The following GRM5 variants were observed in gnomAD, a reference collection of about 807,000 sequenced individuals.
The protein encoded by GRM5 is glutamate metabotropic receptor 5.
A neutral mutation model predicts 83.1 loss-of-function variants in GRM5; 19 were observed. The ratio of observed to expected loss-of-function variants is 0.23; its 90% CI spans 0.16 to 0.34. The LOEUF is 0.34. Ranked by LOEUF, GRM5 falls within the 10% of genes least tolerant of loss-of-function variation. The pLI is 1.00. For missense variants in GRM5, 1,160 were observed against 1,588.3 expected (o/e 0.73, Z 4.58); for synonymous variants, 675 against 633.6 (o/e 1.07, Z -0.98).
intron 3 of GRM5, among the ~76,000 whole-genome samples, chr11:88,711,231 G>A (rs1239028703): frequency 6.6e-6 from 1 of 152,006 alleles, no homozygotes; most frequent in Non-Finnish European, 1.5e-5. Context: ...CCTACAGGAA[G>A]GAAACTCAAC....
At chr11:88,585,738 G>A (rs1281343197) in intron 7 of GRM5, among the ~76,000 whole-genome samples, 1 of 152,046 alleles carries the variant, frequency 6.6e-6, no homozygotes, top group Non-Finnish European at 1.5e-5. Context: ...TCAATATTCA[G>A]TATCTTATTA....
At chr11:88,755,644 T>C (rs1942380619) in intron 3 of GRM5, among the ~76,000 whole-genome samples, 1 of 152,140 alleles carries the variant, frequency 6.6e-6, no homozygotes, top group Admixed American at 6.6e-5. Flanking sequence ...CTAAGCAGTT[T>C]TTGAGTTAGA....
chr11:88,599,302 G>T (rs1937909678), intron 5 of GRM5, among the ~76,000 whole-genome samples: 1 of 152,146 alleles, frequency 6.6e-6, no homozygotes, highest in South Asian at 2.1e-4. Flanking sequence ...CTTAATTTCA[G>T]TTGAACTCAA....
rs549523457 is a variant in GRM5 at position 88,696,562 on chromosome 11, G to A, written c.912-43159C>T. 3.3e-5 allele frequency among the ~76,000 whole-genome samples: 5 copies of A among 152,256 alleles called. No individual in the cohort carries two copies. The East Asian group carries it at 7.7e-4, about 24-fold the overall frequency. Reference sequence around the variant, plus strand: ...TGGTGGGGTATGTGGTTTAAGTGAAGTGGTCATCTGTAAGATAATAATTGG... The same window carrying A: ...TGGTGGGGTATGTGGTTTAAGTGAAATGGTCATCTGTAAGATAATAATTGG... On this transcript the variant is annotated intron_variant, in intron 3 of 9. Coordinates refer to ENST00000305447, the MANE Select transcript of GRM5 (RefSeq NM_001143831.3).
chr11:88,993,153 C>G (rs1940045068), intron 2 of GRM5, among the ~76,000 whole-genome samples: 1 of 151,510 alleles, frequency 6.6e-6, no homozygotes. Flanking sequence ...GTAGTCCTAG[C>G]TCCTCCGTAG....
intron 1 of GRM5, among the ~76,000 whole-genome samples, chr11:89,055,714 C>T (rs1040626714): frequency 3.3e-5 from 5 of 151,652 alleles, no homozygotes; most frequent in African/African-American, 1.2e-4. Flanking sequence ...TGAAATCTCT[C>T]TCATAATATA....
intron 2 of GRM5, among the ~76,000 whole-genome samples, chr11:88,876,664 T>C (rs941781163): frequency 2.0e-5 from 3 of 152,032 alleles, no homozygotes; most frequent in African/African-American, 7.2e-5. Flanking sequence ...TTAGAGGCCA[T>C]TGTAGATGAT....
At chr11:88,745,211 T>TTC (rs1555006491) in intron 3 of GRM5, among the ~76,000 whole-genome samples, 73 of 142,484 alleles carry the variant, frequency 5.1e-4, no homozygotes, top group Non-Finnish European at 9.8e-4. Flanking sequence ...TTTTTTTTTT[T>TTC]CTGAGACAGA....
intron 2 of GRM5, among the ~76,000 whole-genome samples, chr11:88,897,810 T>A (rs533506095): frequency 6.6e-6 from 1 of 152,112 alleles, no homozygotes; most frequent in East Asian, 1.9e-4. Flanking sequence ...CCCTTCCACC[T>A]TATAAGCTTT....
chr11:88,808,678 G>A (rs1301096069), intron 3 of GRM5, among the ~76,000 whole-genome samples: 1 of 151,984 alleles, frequency 6.6e-6, no homozygotes, highest in East Asian at 1.9e-4. Context: ...AAATATTATT[G>A]CAAGAAAGAT....
intron 2 of GRM5, among the ~76,000 whole-genome samples, chr11:88,992,182 C>A (rs993372963): frequency 1.6e-4 from 24 of 152,132 alleles, no homozygotes; most frequent in African/African-American, 5.6e-4. Context: ...AAGAAACAAA[C>A]AACTCCATCA....
intron 4 of GRM5, among the ~76,000 whole-genome samples, chr11:88,638,899 G>T (rs1307791657): frequency 1.3e-5 from 2 of 149,734 alleles, no homozygotes; most frequent in Non-Finnish European, 3.0e-5. Context: ...CAATTTTATT[G>T]ATCATTTAAA....
chr11:89,064,854 T>TTCTCTCTC (rs144985912), intron 1 of GRM5, among the ~76,000 whole-genome samples: 527 of 46,008 alleles, frequency 0.011, 11 homozygotes, highest in African/African-American at 0.027. Flanking sequence ...ATTTTTCATA[T>TTCTCTCTC]TCTCTCTCTC....
chr11:88,816,894 A>G (rs1215025061), intron 3 of GRM5, among the ~76,000 whole-genome samples: 3 of 152,132 alleles, frequency 2.0e-5, no homozygotes, highest in Non-Finnish European at 4.4e-5. Context: ...ATTTAAATAA[A>G]ATAGAAAAGT....
intron 2 of GRM5, among the ~76,000 whole-genome samples, chr11:88,970,924 T>TTCTTTC (rs1939148059): frequency 6.6e-6 from 1 of 151,912 alleles, no homozygotes; most frequent in Non-Finnish European, 1.5e-5. Context: ...TGCCCTCTTT[T>TTCTTTC]ACCTTCTTCC....
intron 4 of GRM5, among the ~76,000 whole-genome samples, chr11:88,609,749 C>A (rs1222618171): frequency 2.6e-5 from 4 of 151,982 alleles, no homozygotes; most frequent in African/African-American, 9.7e-5. Flanking sequence ...AGGTTCTATG[C>A]GTCAATTTTT....
At chr11:88,529,912 G>T (rs371469441) in intron 8 of GRM5, among the ~76,000 whole-genome samples, 1 of 151,916 alleles carries the variant, frequency 6.6e-6, no homozygotes, top group African/African-American at 2.4e-5. Context: ...GTATATTTGG[G>T]CAAGGAAGTA....
chr11:88,652,440 C>CTTATTTTAAAAACCCTTATAAAAA (rs1421207486), intron 4 of GRM5, among the ~76,000 whole-genome samples: 2 of 151,970 alleles, frequency 1.3e-5, no homozygotes, highest in Non-Finnish European at 2.9e-5. Flanking sequence ...AATATTAACC[C>CTTATTTTAAAAACCCTTATAAAAA]AAGCTCTTAT....
At chr11:88,921,135 A>G (rs1945685453) in intron 2 of GRM5, among the ~76,000 whole-genome samples, 1 of 152,056 alleles carries the variant, frequency 6.6e-6, no homozygotes, top group African/African-American at 2.4e-5. Flanking sequence ...TAAAAACAAT[A>G]TTGTTAAAAA....
Sources: gnomAD v4.1 joint callset for allele counts (sites outside exome capture counted in the v4.1 genomes callset) on GRCh38, gnomAD v4.1.1 for gene constraint, MANE v1.5 for transcripts, NCBI Gene and HGNC (gene_info 2026-07-23, HGNC 2026-07-21) for gene names.